The following TFDP2 variants were observed in gnomAD, a reference collection of about 807,000 sequenced individuals.
The protein encoded by TFDP2 is transcription factor Dp-2.
A neutral mutation model predicts 59.3 loss-of-function variants in TFDP2; 17 were observed. The observed-to-expected ratio is 0.29, with a 90% CI of 0.20 to 0.43. TFDP2 has a LOEUF of 0.43. Among genes scored for constraint, TFDP2 ranks in the 20% least tolerant of loss-of-function variants. TFDP2 has a pLI of 1.00. For synonymous variants in TFDP2, 180 were observed against 194.7 expected (o/e 0.92, Z 0.63); for missense variants, 391 against 528.8 (o/e 0.74, Z 2.56).
chr3:142,079,289 C>A (rs932905325), intron 3 of TFDP2, among the ~76,000 whole-genome samples: 1 of 151,668 alleles, frequency 6.6e-6, no homozygotes, highest in African/African-American at 2.4e-5. Context: ...GGTGACAGGG[C>A]GAGACTCCAT....
At chr3:141,958,984 C>T (rs1229373084) in intron 11 of TFDP2, among the ~76,000 whole-genome samples, 1 of 108,740 alleles carries the variant, frequency 9.2e-6, no homozygotes, top group African/African-American at 3.7e-5. Flanking sequence ...GACAGAGTTT[C>T]ACTCTTCTTG....
chr3:142,050,583 C>T (rs1279034402), intron 3 of TFDP2, among the ~76,000 whole-genome samples: 1 of 152,028 alleles, frequency 6.6e-6, no homozygotes, highest in Non-Finnish European at 1.5e-5. Flanking sequence ...GTAGTCCCAG[C>T]TACTCGGGAG....
At chr3:142,039,259 A>G (rs1946842659) in intron 3 of TFDP2, among the ~76,000 whole-genome samples, 1 of 152,070 alleles carries the variant, frequency 6.6e-6, no homozygotes, top group Non-Finnish European at 1.5e-5. Context: ...ATTTTTTCTT[A>G]CAGTGCCAAT....
intron 1 of TFDP2, among the ~76,000 whole-genome samples, chr3:142,142,384 T>A (rs2108754090): frequency 6.6e-6 from 1 of 152,202 alleles, no homozygotes; most frequent in Non-Finnish European, 1.5e-5. Context: ...AATAACTAGG[T>A]AATAACCAAA....
At chr3:141,982,952 A>G (rs1941646509) in intron 6 of TFDP2, among the ~76,000 whole-genome samples, 1 of 152,264 alleles carries the variant, frequency 6.6e-6, no homozygotes. Flanking sequence ...TGAAAAATGC[A>G]GAATACACAT....
At position 142,026,366 on chromosome 3, in the gene TFDP2, C is replaced by T. The variant is rs566500506; in HGVS notation, c.83-20822G>A. Among the ~76,000 whole-genome samples, 14 of 152,112 alleles carry T rather than the reference C, an allele frequency of 9.2e-5. 1 individual carries two copies. The South Asian group carries it at 2.7e-3, about 29-fold the overall frequency. ...AACAAAAAAATAACTTCAGGTAAGC[C>T]CACAGATCTTAGCTAACAGCAAGAG... is the stretch of plus-strand genomic sequence containing the variant. On this transcript the variant is annotated intron_variant, in intron 3 of 12. Coordinates refer to ENST00000489671, the MANE Select transcript of TFDP2 (RefSeq NM_001178139.2).
chr3:142,086,982 C>G lies in TFDP2; in HGVS notation c.82+6079G>C, dbSNP rs559802729. On this transcript the variant is annotated intron_variant, in intron 3 of 12. Transcript: ENST00000489671. ...GGAAATTACAAAGGTCTTAGGAGTT[C>G]TGTGTCAGGAACTGGGGTCAAAGAC... 3.9e-4 allele frequency among the ~76,000 whole-genome samples: 60 copies of G among 152,274 alleles called. No homozygotes were observed. The South Asian group carries it at 0.012, about 30-fold the overall frequency.
At chr3:141,964,012 G>C in intron 9 of TFDP2, 49 bp from the exon 10 acceptor site, 3 of 1,545,406 alleles carry the variant, frequency 1.9e-6, no homozygotes, top group Non-Finnish European at 2.6e-6. Context: ...TAAGTGAGTT[G>C]GAATTTAAAA....
chr3:142,126,908 T>C lies in TFDP2; in HGVS notation c.-93+22275A>G, dbSNP rs367959110. Among the ~76,000 whole-genome samples, 7 of 143,932 alleles carry C rather than the reference T, an allele frequency of 4.9e-5. No individual in the cohort carries two copies. The South Asian group carries it at 1.5e-3, about 31-fold the overall frequency. The allele number at this position is 143,932 out of a possible 152,430, so 94.4% of individuals were successfully genotyped here. ...TTGCAGTGAGCCAAGGTCTTGCCGC[T>C]GCACTCCAGTCTGGGTGACAGAGTG... On this transcript the variant is annotated intron_variant, in intron 1 of 12. Transcript: ENST00000489671.
intron 3 of TFDP2, among the ~76,000 whole-genome samples, chr3:142,052,052 G>A (rs1272386041): frequency 6.6e-6 from 1 of 152,062 alleles, no homozygotes; most frequent in East Asian, 1.9e-4. Flanking sequence ...CTTGAGCCCA[G>A]GAGGTCAAGG....
At position 141,973,123 on chromosome 3, in the gene TFDP2, A is replaced by ATATATATTTTTTTTTTT; in HGVS notation, c.663+924_663+925insAAAAAAAAAAATATATA. Among the ~76,000 whole-genome samples, 141 of 57,902 alleles carry ATATATATTTTTTTTTTT rather than the reference A, an allele frequency of 2.4e-3. No individual in the cohort carries two copies. The Middle Eastern group carries it at 0.025, about 10-fold the overall frequency. The allele number at this position is 57,902 out of a possible 152,430, so 38.0% of individuals were successfully genotyped here. Reference sequence around the variant, plus strand: ...TATATATATATATATATATATATATATTTTTTTTTTTTAAAGATGGAGTCT... The same window carrying ATATATATTTTTTTTTTT: ...TATATATATATATATATATATATATATATATATTTTTTTTTTTTTTTTTTTTTTTAAAGATGGAGTCT... On this transcript the variant is annotated intron_variant, in intron 8 of 12. Coordinates refer to ENST00000489671, the MANE Select transcript of TFDP2 (RefSeq NM_001178139.2).
intron 1 of TFDP2, among the ~76,000 whole-genome samples, chr3:142,136,205 T>A (rs1392023524): frequency 6.6e-6 from 1 of 152,142 alleles, no homozygotes; most frequent in African/African-American, 2.4e-5. Context: ...TGTCTTCTTT[T>A]GAGAAGTATC....
intron 3 of TFDP2, among the ~76,000 whole-genome samples, chr3:142,090,274 T>A (rs1320300816): frequency 2.0e-5 from 3 of 152,182 alleles, no homozygotes; most frequent in Admixed American, 1.3e-4. Flanking sequence ...CAAAACCCTG[T>A]CTCAAAAACA....
intron 3 of TFDP2, among the ~76,000 whole-genome samples, chr3:142,041,497 T>TTGCC (rs1408991272): frequency 6.6e-6 from 1 of 152,238 alleles, no homozygotes; most frequent in Non-Finnish European, 1.5e-5. Flanking sequence ...ACACGCTCTC[T>TTGCC]TGCCTGCCAT....
In TFDP2 at chr3:141,979,434, C is replaced by T. The variant is rs546984681; in HGVS notation, c.357-752G>A. Among the ~76,000 whole-genome samples, 9 of 152,276 alleles carry T rather than the reference C, an allele frequency of 5.9e-5. No individual in the cohort carries two copies. The South Asian group carries it at 6.2e-4, about 11-fold the overall frequency. On this transcript the variant is annotated intron_variant, in intron 6 of 12. Coordinates refer to ENST00000489671, the MANE Select transcript of TFDP2 (RefSeq NM_001178139.2). Reference sequence around the variant, plus strand: ...TAACTGTAAAAAGCCTCAGGCAATCCTTCAGGAGGTATCCAGAAGAACGCA... The same window carrying T: ...TAACTGTAAAAAGCCTCAGGCAATCTTTCAGGAGGTATCCAGAAGAACGCA...
At chr3:142,047,858 C>T (rs1947422677) in intron 3 of TFDP2, among the ~76,000 whole-genome samples, 1 of 151,364 alleles carries the variant, frequency 6.6e-6, no homozygotes. Flanking sequence ...TCTCCTGCCT[C>T]AGCCTGCCAA....
intron 4 of TFDP2, 121 bp downstream of exon 4, chr3:142,005,320 T>C: frequency 1.4e-6 from 1 of 740,224 alleles, no homozygotes; most frequent in Non-Finnish European, 2.2e-6. Flanking sequence ...ATTACAGGAG[T>C]GAGCCACCTA....
At chr3:142,113,631 A>G (rs999783060) in intron 1 of TFDP2, among the ~76,000 whole-genome samples, 26 of 152,292 alleles carry the variant, frequency 1.7e-4, no homozygotes, top group African/African-American at 6.3e-4. Flanking sequence ...ACTATATGCA[A>G]GCATGAAATG....
At chr3:142,137,409 C>G (rs1289612369) in intron 1 of TFDP2, among the ~76,000 whole-genome samples, 1 of 152,146 alleles carries the variant, frequency 6.6e-6, no homozygotes, top group African/African-American at 2.4e-5. Flanking sequence ...CCAGAACTTC[C>G]AACACTATGT....
Sources: gnomAD v4.1 joint callset for allele counts (sites outside exome capture counted in the v4.1 genomes callset) on GRCh38, gnomAD v4.1.1 for gene constraint, MANE v1.5 for transcripts, NCBI Gene and HGNC (gene_info 2026-07-23, HGNC 2026-07-21) for gene names.